NEK4: variants seen among roughly 807,000 people sequenced by gnomAD.
NEK4 encodes NIMA related kinase 4, also known as serine/threonine-protein kinase Nek4.
NEK4 carries 86 observed loss-of-function variants against 98.4 expected under a neutral mutation model. That is an observed-to-expected ratio of 0.87 (90% CI 0.73 to 1.05). The LOEUF (loss-of-function observed/expected upper bound fraction) is 1.05, where lower values mean the gene tolerates loss of function less well. NEK4 is among the 50% of genes least tolerant of loss of function. The pLI is 0.00. For synonymous variants in NEK4, 328 were observed against 342.2 expected (o/e 0.96, Z 0.46); for missense variants, 898 against 950.3 (o/e 0.94, Z 0.72).
chr3:52,768,873 G>C (rs182814479), intron 1 of NEK4, among the ~76,000 whole-genome samples: 1 of 152,270 alleles, frequency 6.6e-6, no homozygotes, highest in Admixed American at 6.5e-5. Flanking sequence ...ACTAAAAAAA[G>C]TGAGTTCAAG....
At chr3:52,756,563 G>T (rs2097415464) in intron 6 of NEK4, among the ~76,000 whole-genome samples, 1 of 152,116 alleles carries the variant, frequency 6.6e-6, no homozygotes, top group Admixed American at 6.6e-5. Context: ...ACAGAATAAT[G>T]AAGTCAGACC....
intron 10 of NEK4, among the ~76,000 whole-genome samples, chr3:52,745,501 C>T (rs2097394477): frequency 6.6e-6 from 1 of 151,598 alleles, no homozygotes. Context: ...ATTGCTTGAA[C>T]CCAGGAGGCG....
At position 52,741,557 on chromosome 3, in the gene NEK4, C is replaced by T. The variant is rs1413621685; in HGVS notation, c.2005-58G>A. 6 of 1,068,126 alleles carry T rather than the reference C, an allele frequency of 5.6e-6. No homozygotes were observed. In the East Asian group the frequency reaches 9.5e-5, roughly 17 times the overall value. 66.2% of individuals were successfully genotyped at this position (1,068,126 alleles called of 1,614,324 possible). A position where few individuals can be genotyped will look rare whatever the true frequency, so the allele number is the denominator to read the frequency against. On this transcript the variant is annotated intron_variant, in intron 12 of 15. Coordinates refer to ENST00000233027, the MANE Select transcript of NEK4 (RefSeq NM_003157.6). ...ATGACAACACAACCAGAATGTGATA[C>T]TTGAACCAGTCTTAGATGCAACAAC...
At position 52,722,679 on chromosome 3, in the gene NEK4, G is replaced by C. The variant is rs532527140; in HGVS notation, c.2434-10810C>G. Reference sequence around the variant, plus strand: ...GGACTCTGGGAGGCTGAGGCAGGCAGATTGCTTGAGGCCAGGAGTTTGAGA... The same window carrying C: ...GGACTCTGGGAGGCTGAGGCAGGCACATTGCTTGAGGCCAGGAGTTTGAGA... On this transcript the variant is annotated intron_variant, in intron 15 of 15. Transcript: ENST00000233027. Among the ~76,000 whole-genome samples the C allele has an allele frequency of 6.6e-5, 10 of 152,280 alleles. No individual in the cohort carries two copies. In the South Asian group the frequency reaches 1.9e-3, roughly 28 times the overall value.
chr3:52,760,829 G>C lies in NEK4; in HGVS notation c.929C>G (p.Pro310Arg), dbSNP rs751561403. 6.2e-7 allele frequency: 1 copy of C among 1,610,766 alleles called. No homozygotes were observed. The highest frequency in any genetic ancestry group is 8.5e-7 in the Non-Finnish European group (1 of 1,177,270). ...TGTCTGGGAGCCCTCAGAAGAGAGT[G>C]GTTGGGGGTGGATTACTTCATGATT... ...ESNHEVIHPQ[P>R]LSSEGSQTYI... Residue 310 changes from proline (P) to arginine (R), a missense_variant, in exon 6 of 16, where the codon CCA becomes CGA. Pro to Arg is a moderately radical substitution (Grantham distance 103, BLOSUM62 -2). Coordinates refer to ENST00000233027, the MANE Select transcript of NEK4 (RefSeq NM_003157.6).
chr3:52,731,032 G>A (rs1354565765), intron 15 of NEK4, among the ~76,000 whole-genome samples: 1 of 151,980 alleles, frequency 6.6e-6, no homozygotes, highest in Non-Finnish European at 1.5e-5. Flanking sequence ...GGCTAAAATG[G>A]TATATTTTAT....
chr3:52,744,274 C>A lies in NEK4; in HGVS notation c.1859G>T (p.Arg620Leu), dbSNP rs769037062. 2 of 1,613,892 alleles carry A rather than the reference C, an allele frequency of 1.2e-6. No individual in the cohort carries two copies. Among genetic ancestry groups the A allele is most frequent in the South Asian group, 2.2e-5 (2 of 91,054 alleles). ...CATTTCTTCCTGTGACTGCTTTAGT[C>A]GCCTCCTCTCTCTGGCTGATAATGG... ...DRPLSARERR[R>L]LKQSQEEMSS... The change falls in exon 11 of 16, where the codon CGA becomes CTA. Residue 620 changes from arginine (R) to leucine (L), a missense_variant. By Grantham distance (102) the Arg-to-Leu change is moderately radical (BLOSUM62 -2). Transcript: ENST00000233027.
intron 6 of NEK4, among the ~76,000 whole-genome samples, chr3:52,756,244 T>A (rs576030714): frequency 5.9e-5 from 9 of 152,200 alleles, no homozygotes; most frequent in South Asian, 2.1e-4. Flanking sequence ...AATAGAAAAA[T>A]CCATCCTAAA....
intron 15 of NEK4, among the ~76,000 whole-genome samples, chr3:52,724,232 AACACACACAC>A (rs10528307): frequency 6.9e-6 from 1 of 145,200 alleles, no homozygotes; most frequent in South Asian, 2.2e-4. Context: ...TTTGTCTTAA[AACACACACAC>A]ACACACACAC....
chr3:52,728,131 A>C (rs1337686973), intron 15 of NEK4, among the ~76,000 whole-genome samples: 1 of 152,184 alleles, frequency 6.6e-6, no homozygotes, highest in Non-Finnish European at 1.5e-5. Context: ...CCAGTACTTT[A>C]GGAGGCTTAC....
chr3:52,770,540 G>A (rs1210116774), intron 1 of NEK4, 114 bp downstream of exon 1: 1 of 769,218 alleles, frequency 1.3e-6, no homozygotes, highest in Middle Eastern at 2.3e-4. Context: ...TTTCCCTGAG[G>A]AAACGCCATC....
intron 2 of NEK4, among the ~76,000 whole-genome samples, chr3:52,766,972 G>T (rs528571760): frequency 2.0e-5 from 3 of 150,718 alleles, no homozygotes; most frequent in African/African-American, 7.3e-5. Context: ...CGGCCTGGGC[G>T]ACAGAGCGAG....
At chr3:52,716,182 A>G (rs2097354995) in intron 15 of NEK4, among the ~76,000 whole-genome samples, 2 of 152,164 alleles carry the variant, frequency 1.3e-5, no homozygotes, top group African/African-American at 4.8e-5. Flanking sequence ...CAGGCATGGG[A>G]TACAGGTTGG....
intron 15 of NEK4, among the ~76,000 whole-genome samples, chr3:52,714,999 G>A (rs940936675): frequency 6.6e-6 from 1 of 152,220 alleles, no homozygotes; most frequent in Non-Finnish European, 1.5e-5. Flanking sequence ...TGGCCTGCAC[G>A]TGTACCGTGG....
rs2097386002 is a variant in NEK4 at position 52,741,435 on chromosome 3, T to G, written c.2069A>C (p.Lys690Thr). Residue 690 changes from lysine to threonine, a missense_variant, in exon 13 of 16, where the codon AAG (lysine) becomes ACG (threonine). By Grantham distance (78) the Lys-to-Thr change is moderately conservative. Coordinates refer to ENST00000233027, the MANE Select transcript of NEK4 (RefSeq NM_003157.6). ...ELSSSTSSTDKSDGDYGEGKG... is the reference protein window; with the variant it reads ...ELSSSTSSTDTSDGDYGEGKG... ...CCCTTCCCCGTAATCCCCATCTGACTTATCAGTTGAACTTGTAGAAGAACT... is the reference window on the plus strand; with the variant it reads ...CCCTTCCCCGTAATCCCCATCTGACGTATCAGTTGAACTTGTAGAAGAACT... 6.2e-7 allele frequency: 1 copy of G among 1,606,568 alleles called. No individual in the cohort carries two copies. Among genetic ancestry groups the G allele is most frequent in the African/African-American group, 1.3e-5 (1 of 74,720 alleles).
intron 1 of NEK4, among the ~76,000 whole-genome samples, chr3:52,768,974 C>A (rs1418300946): frequency 6.6e-6 from 1 of 152,166 alleles, no homozygotes; most frequent in Non-Finnish European, 1.5e-5. Flanking sequence ...AATCCCAGCA[C>A]TTTGGGAGGG....
intron 15 of NEK4, 51 bp from the exon 16 acceptor site, chr3:52,711,920 T>A: frequency 9.6e-7 from 1 of 1,039,434 alleles, no homozygotes; most frequent in Middle Eastern, 2.1e-4. Context: ...GGAAAAAATA[T>A]TTCTGTAATC....
At chr3:52,724,284 CAA>C (rs1377688749) in intron 15 of NEK4, among the ~76,000 whole-genome samples, 52 of 141,678 alleles carry the variant, frequency 3.7e-4, no homozygotes, top group African/African-American at 1.4e-3. Context: ...AAGACAAAGA[CAA>C]AGAGAGAATC....
At chr3:52,722,384 G>A (rs1197208532) in intron 15 of NEK4, among the ~76,000 whole-genome samples, 1 of 152,102 alleles carries the variant, frequency 6.6e-6, no homozygotes, top group Non-Finnish European at 1.5e-5. Flanking sequence ...GCCTGGGTGG[G>A]GCATGGCCAG....
Sources: allele counts gnomAD v4.1 joint callset (sites outside exome capture counted in the v4.1 genomes callset), GRCh38; gene constraint gnomAD v4.1.1; transcripts MANE v1.5; gene names NCBI Gene and HGNC (gene_info 2026-07-23, HGNC 2026-07-21).